Variants in GPC4 observed in about 807,000 individuals in gnomAD.
The protein encoded by GPC4 is glypican 4.
GPC4 carries 10 observed loss-of-function variants against 35.0 expected under a neutral mutation model. The observed-to-expected ratio is 0.29, with a 90% CI of 0.18 to 0.48. The LOEUF is 0.48. Ranked by LOEUF, GPC4 falls within the 20% of genes least tolerant of loss-of-function variation. The pLI is 0.99. For synonymous variants in GPC4, 167 were observed against 170.2 expected, an observed-to-expected ratio of 0.98 and a Z score of 0.15; for missense variants, 322 against 451.3, an observed-to-expected ratio of 0.71 and a Z score of 2.60.
At chrX:133,399,068 A>C (rs2068757054) in intron 1 of GPC4, among the ~76,000 whole-genome samples, 1 of 111,688 alleles carries the variant, frequency 9.0e-6, no homozygotes, top group Admixed American at 9.6e-5. Context: ...AAGGGAAGGA[A>C]TCTTGTCACC....
intron 1 of GPC4, among the ~76,000 whole-genome samples, chrX:133,341,881 G>C (rs993252099): frequency 9.1e-5 from 10 of 109,310 alleles, no homozygotes; most frequent in African/African-American, 3.0e-4. Flanking sequence ...AACCTGGTCC[G>C]AGTGGATGGC....
chrX:133,382,653 C>G (rs989841169), intron 1 of GPC4, among the ~76,000 whole-genome samples: 2 of 111,023 alleles, frequency 1.8e-5, no homozygotes, highest in South Asian at 7.6e-4. Flanking sequence ...GGCGTGAACC[C>G]AGGAGGTGGA....
At chrX:133,390,110 C>T (rs916662839) in intron 1 of GPC4, among the ~76,000 whole-genome samples, 2 of 110,700 alleles carry the variant, frequency 1.8e-5, no homozygotes, top group Admixed American at 1.9e-4. Context: ...GAGAGGCACA[C>T]CCAAGCCAGC....
rs1047610442 is a variant in GPC4, at chrX:133,302,311, A to T, written c.*556T>A. On this transcript the variant is annotated 3_prime_UTR_variant, in exon 9 of 9. Coordinates refer to ENST00000370828, the MANE Select transcript of GPC4 (RefSeq NM_001448.3). ...TCACATTCTGTCTTAATAATAATTTAAAAAAAAGAAAATCACCTCCACGTC... is the reference window on the plus strand; with the variant it reads ...TCACATTCTGTCTTAATAATAATTTTAAAAAAAGAAAATCACCTCCACGTC... 3 of 112,047 alleles carry T rather than the reference A, an allele frequency of 2.7e-5. No homozygotes were observed. The highest frequency in any genetic ancestry group is 3.8e-5 in the Non-Finnish European group (2 of 53,205). 9.2% of individuals were successfully genotyped at this position (112,047 alleles called of 1,213,427 possible). A position where few individuals can be genotyped will look rare whatever the true frequency, so the allele number is the denominator to read the frequency against.
chrX:133,365,167 T>TC (rs1238626242), intron 1 of GPC4, among the ~76,000 whole-genome samples: 2 of 112,172 alleles, frequency 1.8e-5, no homozygotes, highest in Non-Finnish European at 3.8e-5. Context: ...AATTTTTTTT[T>TC]CTTAATGTTT....
At chrX:133,320,961 G>A (rs1398144615) in intron 3 of GPC4, among the ~76,000 whole-genome samples, 1 of 111,693 alleles carries the variant, frequency 9.0e-6, no homozygotes, top group Non-Finnish European at 1.9e-5. Context: ...AGGATTGCTG[G>A]AGCCCAGGAG....
rs57898529 is a variant in GPC4 at position 133,324,550 on chromosome X, CAAAAA to C, written c.320-19_320-15del. ...CTTTGAAGAATTCTGAAACCAACAC[CAAAAA>C]AAAAAAAAAAAAAAGGAAAAACGAG... On this transcript the variant is annotated splice_polypyrimidine_tract_variant and intron_variant, in intron 2 of 8. Transcript: ENST00000370828. The C allele has an allele frequency of 2.7e-3, 2,148 of 793,472 alleles. No homozygotes were observed. Among genetic ancestry groups the C allele is most frequent in the South Asian group, 3.2e-3 (57 of 17,854 alleles). The allele number at this position is 793,472 out of a possible 1,213,427, so 65.4% of individuals were successfully genotyped here.
chrX:133,410,504 A>C (rs2068808162), intron 1 of GPC4, among the ~76,000 whole-genome samples: 1 of 112,046 alleles, frequency 8.9e-6, no homozygotes, highest in Admixed American at 9.5e-5. Context: ...ACGAACTCTT[A>C]TCATGAGGCC....
intron 1 of GPC4, among the ~76,000 whole-genome samples, chrX:133,348,179 G>C (rs2068501359): frequency 8.9e-6 from 1 of 112,230 alleles, no homozygotes; most frequent in African/African-American, 3.2e-5. Context: ...CTTTTCAAAT[G>C]ATAAGCAAAT....
At chrX:133,355,250 C>A (rs1457789660) in intron 1 of GPC4, among the ~76,000 whole-genome samples, 1 of 112,060 alleles carries the variant, frequency 8.9e-6, no homozygotes, top group Non-Finnish European at 1.9e-5. Flanking sequence ...AATGACTATA[C>A]TAGAACTGCA....
chrX:133,342,285 C>T (rs1473747924), intron 1 of GPC4, among the ~76,000 whole-genome samples: 2 of 110,685 alleles, frequency 1.8e-5, no homozygotes, highest in African/African-American at 6.6e-5. Context: ...GATCCACCCG[C>T]CTCGGCCTCC....
rs189595489 is a variant in GPC4, at chrX:133,363,504, T to C, written c.161-24163A>G. 3.8e-3 allele frequency among the ~76,000 whole-genome samples: 424 copies of C among 111,440 alleles called. 5 individuals carry two copies. The highest frequency in any genetic ancestry group is 0.013 in the African/African-American group (408 of 30,612). ...ATGCATTTGATCAGGACGAGAACCC[T>C]GGTCTCCTGTGGTCCAGCTTTTGAT... On this transcript the variant is annotated intron_variant, in intron 1 of 8. Transcript: ENST00000370828.
chrX:133,344,141 C>G (rs2068478898), intron 1 of GPC4, among the ~76,000 whole-genome samples: 1 of 102,122 alleles, frequency 9.8e-6, no homozygotes, highest in African/African-American at 3.5e-5. Context: ...TTACTACTAA[C>G]TTGACTATTT....
At chrX:133,335,438 A>G (rs1282295710) in intron 2 of GPC4, among the ~76,000 whole-genome samples, 1 of 111,034 alleles carries the variant, frequency 9.0e-6, no homozygotes, top group Non-Finnish European at 1.9e-5. Context: ...ACGTCACCCA[A>G]ATCCGAACAC....
At chrX:133,389,915 T>C (rs1013801690) in intron 1 of GPC4, among the ~76,000 whole-genome samples, 1 of 111,846 alleles carries the variant, frequency 8.9e-6, no homozygotes, top group Non-Finnish European at 1.9e-5. Context: ...TGAATGTTAA[T>C]GCCTTGACAT....
chrX:133,384,014 T>C (rs997218886), intron 1 of GPC4, among the ~76,000 whole-genome samples: 2 of 111,707 alleles, frequency 1.8e-5, no homozygotes, highest in Admixed American at 9.5e-5. Context: ...CTCTGTACTA[T>C]TGTAACAATA....
At chrX:133,309,340 C>T (rs990055300) in intron 4 of GPC4, among the ~76,000 whole-genome samples, 1 of 112,253 alleles carries the variant, frequency 8.9e-6, no homozygotes, top group Non-Finnish European at 1.9e-5. Context: ...AAATGCCCAA[C>T]AAGAACAACA....
In GPC4 at chrX:133,301,005, TA is replaced by T. The variant is rs1222652592; in HGVS notation, c.*1861del. The T allele has an allele frequency of 1.0e-4, 11 of 109,448 alleles. No individual in the cohort carries two copies. Among genetic ancestry groups the T allele is most frequent in the Admixed American group, 2.0e-4 (2 of 10,168 alleles). 9.0% of individuals were successfully genotyped at this position (109,448 alleles called of 1,213,427 possible). On this transcript the variant is annotated 3_prime_UTR_variant, in exon 9 of 9. Coordinates refer to ENST00000370828, the MANE Select transcript of GPC4 (RefSeq NM_001448.3). ...CAATTTTATGTCTTCTGATTTGTTT[TA>T]AAAAAAAAACCACTTATACACACCA...
intron 1 of GPC4, among the ~76,000 whole-genome samples, chrX:133,398,994 C>G (rs1359419178): frequency 9.0e-6 from 1 of 111,194 alleles, no homozygotes; most frequent in Non-Finnish European, 1.9e-5. Flanking sequence ...GCTCCCTGCA[C>G]AGCCAGGACC....
Sources: gnomAD v4.1 joint callset for allele counts (sites outside exome capture counted in the v4.1 genomes callset) on GRCh38, gnomAD v4.1.1 for gene constraint, MANE v1.5 for transcripts, NCBI Gene and HGNC (gene_info 2026-07-23, HGNC 2026-07-21) for gene names.